Variants in DPYSL4 observed in about 807,000 individuals in gnomAD.
The protein encoded by DPYSL4 is dihydropyrimidinase-related protein 4.
In DPYSL4, 43 loss-of-function variants were observed where a neutral mutation model predicts 63.4. The ratio of observed to expected loss-of-function variants is 0.68; its 90% CI spans 0.53 to 0.88. The LOEUF (loss-of-function observed/expected upper bound fraction) is 0.88, where lower values mean the gene tolerates loss of function less well. Among genes scored for constraint, DPYSL4 ranks in the 40% least tolerant of loss-of-function variants. The pLI, the probability that DPYSL4 is intolerant of heterozygous loss-of-function variation, is 0.00. For missense variants in DPYSL4, 733 were observed against 819.5 expected (o/e 0.89, Z 1.29); for synonymous variants, 353 against 331.7 (o/e 1.06, Z -0.70).
intron 4 of DPYSL4, 128 bp downstream of exon 4, chr10:132,195,137 G>A (rs1016472886): frequency 3.5e-6 from 4 of 1,155,960 alleles, no homozygotes; most frequent in Middle Eastern, 3.0e-4. Flanking sequence ...AGTGGAAGTT[G>A]GAGAAAAGTC....
intron 7 of DPYSL4, 41 bp downstream of exon 7, chr10:132,198,524 G>T (rs759395629): frequency 7.1e-6 from 11 of 1,550,732 alleles, no homozygotes; most frequent in Non-Finnish European, 9.6e-6. Context: ...AGCCAACTCC[G>T]CCCAGACCAC....
chr10:132,200,897 G>T lies in DPYSL4; in HGVS notation c.1024G>T (p.Ala342Ser). The T allele has an allele frequency of 1.2e-6, 2 of 1,613,252 alleles. No homozygotes were observed. The highest frequency in any genetic ancestry group is 1.7e-6 in the Non-Finnish European group (2 of 1,179,972). ...CTGCACCTTCACCACTGCCCAGAAG[G>T]CTGTGGGCAAGGACAACTTCGCGCT... ...AHCTFTTAQK[A>S]VGKDNFALIP... The change falls in exon 10 of 14, where the codon GCT (alanine) becomes TCT (serine). Residue 342 changes from alanine (A) to serine (S), a missense_variant. Physicochemically the swap from Ala to Ser is moderately conservative, Grantham distance 99. Transcript: ENST00000338492.
intron 6 of DPYSL4, 73 bp downstream of exon 6, chr10:132,197,174 G>A: frequency 2.2e-6 from 3 of 1,336,236 alleles, no homozygotes; most frequent in African/African-American, 1.5e-5. Context: ...GTGGGGTGGG[G>A]CAGGGGTCTG....
intron 4 of DPYSL4, among the ~76,000 whole-genome samples, 161 bp from the exon 5 acceptor site, chr10:132,196,700 A>G (rs748243327): frequency 1.3e-5 from 2 of 152,196 alleles, no homozygotes; most frequent in Non-Finnish European, 2.9e-5. Flanking sequence ...TGGTGTGTGC[A>G]TGGAAGCGGG....
rs372820701 is a variant in DPYSL4, at chr10:132,205,252, TCA to T, written c.*325_*326del. On this transcript the variant is annotated 3_prime_UTR_variant, in exon 14 of 14. Transcript: ENST00000338492. ...CCTGGGGACAGGGAACCTGCCGGGC[TCA>T]CAGTGTGGGAGCAGCTGGACACCAG... is the stretch of plus-strand genomic sequence containing the variant. 165 of 235,372 alleles carry T rather than the reference TCA, an allele frequency of 7.0e-4. 1 individual carries two copies. The East Asian group carries it at 0.01, about 15-fold the overall frequency. 14.6% of individuals were successfully genotyped at this position (235,372 alleles called of 1,614,324 possible). A position where few individuals can be genotyped will look rare whatever the true frequency, so the allele number is the denominator to read the frequency against.
Position 132,196,880 on chromosome 10 carries a change from C to T in DPYSL4, c.498C>T (p.Val166=), listed in dbSNP as rs771678315. ...VKEKGVNSFL[V]FMAYKDRCQC... is the part of the protein sequence containing the mutation. Reference sequence around the variant, plus strand: ...CTCCAGGTGTGAACTCCTTCCTGGTCTTCATGGCATACAAGGACCGGTGCC... The same window carrying T: ...CTCCAGGTGTGAACTCCTTCCTGGTTTTCATGGCATACAAGGACCGGTGCC... Residue 166 remains valine, a synonymous_variant, in exon 5 of 14, where the codon GTC becomes GTT. Coordinates refer to ENST00000338492, the MANE Select transcript of DPYSL4 (RefSeq NM_006426.3). The T allele has an allele frequency of 6.2e-7, 1 of 1,613,810 alleles. No individual in the cohort carries two copies. Among genetic ancestry groups the T allele is most frequent in the Non-Finnish European group, 8.5e-7 (1 of 1,180,006 alleles).
intron 3 of DPYSL4, among the ~76,000 whole-genome samples, chr10:132,194,044 G>A (rs1405322785): frequency 6.6e-6 from 1 of 152,282 alleles, no homozygotes; most frequent in Non-Finnish European, 1.5e-5. Flanking sequence ...CCGGCCAGCT[G>A]TGGGTCCCCG....
In DPYSL4 at chr10:132,197,231, A is replaced by G. The variant is rs936330999; in HGVS notation, c.621+130A>G. The G allele has an allele frequency of 2.6e-5, 21 of 804,842 alleles. No individual in the cohort carries two copies. In the African/African-American group the frequency reaches 3.1e-4, roughly 12 times the overall value. 49.9% of individuals were successfully genotyped at this position (804,842 alleles called of 1,614,324 possible). A position where few individuals can be genotyped will look rare whatever the true frequency, so the allele number is the denominator to read the frequency against. On this transcript the variant is annotated intron_variant, in intron 6 of 13. Coordinates refer to ENST00000338492, the MANE Select transcript of DPYSL4 (RefSeq NM_006426.3). ...AGACATCAGCACAGAATCCCACAAA[A>G]CCTTGAGGGAGGGTCATAGCTTACC...
At chr10:132,194,579 T>G (rs1364567173) in intron 3 of DPYSL4, among the ~76,000 whole-genome samples, 1 of 150,920 alleles carries the variant, frequency 6.6e-6, no homozygotes, top group Non-Finnish European at 1.5e-5. Context: ...AGGGATGGTT[T>G]GGGGTGGGGC....
Position 132,187,040 on chromosome 10 carries a change from C to A in DPYSL4, c.-24C>A. ...CCGCCCGCCCCCGCTTGTGCCGCCC[C>A]TACCAGAGACCCCCAGGAGCAGGAT... On this transcript the variant is annotated 5_prime_UTR_variant, in exon 1 of 14. Coordinates refer to ENST00000338492, the MANE Select transcript of DPYSL4 (RefSeq NM_006426.3). The A allele has an allele frequency of 1.5e-6, 2 of 1,325,976 alleles. No homozygotes were observed. Among genetic ancestry groups the A allele is most frequent in the Non-Finnish European group, 2.0e-6 (2 of 1,000,916 alleles). 82.1% of individuals were successfully genotyped at this position (1,325,976 alleles called of 1,614,324 possible).
intron 8 of DPYSL4, among the ~76,000 whole-genome samples, chr10:132,200,003 G>A (rs2061991305): frequency 6.6e-6 from 1 of 152,180 alleles, no homozygotes; most frequent in South Asian, 2.1e-4. Context: ...GCCATGGCCA[G>A]GGCACCCCCG....
intron 3 of DPYSL4, 73 bp from the exon 4 acceptor site, chr10:132,194,768 CAGAA>C: frequency 6.5e-7 from 1 of 1,549,828 alleles, no homozygotes; most frequent in Non-Finnish European, 8.8e-7. Flanking sequence ...GAACATGAAA[CAGAA>C]TCTCCCATGG....
intron 7 of DPYSL4, 145 bp from the exon 8 acceptor site, chr10:132,198,706 G>T: frequency 7.6e-7 from 1 of 1,307,816 alleles, no homozygotes; most frequent in South Asian, 1.5e-5. Context: ...GGCAGGCCCA[G>T]GCACTGAGCC....
chr10:132,194,061 CAGAG>C (rs2061910353), intron 3 of DPYSL4, among the ~76,000 whole-genome samples: 1 of 152,266 alleles, frequency 6.6e-6, no homozygotes, highest in Non-Finnish European at 1.5e-5. Context: ...CCCGCGAAGA[CAGAG>C]AAACACCACA....
intron 11 of DPYSL4, 75 bp downstream of exon 11, chr10:132,202,191 C>T (rs935293022): frequency 2.2e-5 from 34 of 1,539,720 alleles, no homozygotes; most frequent in African/African-American, 4.1e-5. Context: ...CCAGGAGAGG[C>T]GCAGGACAGA....
chr10:132,200,751 C>T (rs1206918694), intron 9 of DPYSL4, 91 bp from the exon 10 acceptor site: 52 of 1,522,138 alleles, frequency 3.4e-5, no homozygotes, highest in Non-Finnish European at 4.5e-5. Context: ...ACCTCTAGCC[C>T]CTGCGGCTGT....
rs1348874699 is a variant in DPYSL4, at chr10:132,203,756, C to T, written c.1462-6C>T. 8.8e-6 allele frequency: 14 copies of T among 1,596,368 alleles called. No homozygotes were observed. The highest frequency in any genetic ancestry group is 1.1e-5 in the Non-Finnish European group (13 of 1,168,248). On this transcript the variant is annotated splice_region_variant and splice_polypyrimidine_tract_variant and intron_variant, in intron 12 of 13. Coordinates refer to ENST00000338492, the MANE Select transcript of DPYSL4 (RefSeq NM_006426.3). ...TGCCCTGTCTCTGCCCCCACCCCCC[C>T]GGCAGCTGGCGGAGATCCACGGTGT...
chr10:132,198,556 CCCTGGCCCTGGGCT>C lies in DPYSL4; in HGVS notation c.690+84_690+97del, dbSNP rs1046146701. On this transcript the variant is annotated intron_variant, in intron 7 of 13. Transcript: ENST00000338492. Reference sequence around the variant, plus strand: ...CCACTGCTGCCTGGGGCTGTGCTGACCCTGGCCCTGGGCTCCTGGCCCTGCCACTGTGCTCGCCC... The same window carrying C: ...CCACTGCTGCCTGGGGCTGTGCTGACCCTGGCCCTGCCACTGTGCTCGCCC... 1.3e-5 allele frequency: 19 copies of C among 1,442,104 alleles called. No homozygotes were observed. In the African/African-American group the frequency reaches 1.5e-4, roughly 12 times the overall value. The allele number at this position is 1,442,104 out of a possible 1,614,324, so 89.3% of individuals were successfully genotyped here.
At chr10:132,193,262 G>A (rs1244976346) in intron 3 of DPYSL4, among the ~76,000 whole-genome samples, 1 of 152,244 alleles carries the variant, frequency 6.6e-6, no homozygotes. Context: ...ATGTCAAGAA[G>A]AGTTAAGGAT....
Sources: gnomAD v4.1 joint callset for allele counts (sites outside exome capture counted in the v4.1 genomes callset) on GRCh38, gnomAD v4.1.1 for gene constraint, MANE v1.5 for transcripts, NCBI Gene and HGNC (gene_info 2026-07-23, HGNC 2026-07-21) for gene names.